Variants in FLVCR2 observed in about 807,000 individuals in gnomAD.
FLVCR2 encodes choline/ethanolamine transporter FLVCR2.
FLVCR2 carries 38 observed loss-of-function variants against 48.9 expected under a neutral mutation model. The ratio of observed to expected loss-of-function variants is 0.78; its 90% CI spans 0.60 to 1.02. FLVCR2 has a LOEUF of 1.02. Among genes scored for constraint, FLVCR2 ranks in the 50% least tolerant of loss-of-function variants. The pLI is 0.00. For missense variants in FLVCR2, 664 were observed against 663.3 expected (o/e 1.00, Z -0.01); for synonymous variants, 255 against 257.0 (o/e 0.99, Z 0.07).
chr14:75,646,103 G>T (rs1890415322), intron 9 of FLVCR2, among the ~76,000 whole-genome samples: 1 of 152,086 alleles, frequency 6.6e-6, no homozygotes, highest in African/African-American at 2.4e-5. Context: ...AGTCCCGAGA[G>T]TGAGCCTGAA....
At chr14:75,584,515 G>A (rs1311130577) in intron 1 of FLVCR2, among the ~76,000 whole-genome samples, 1 of 152,170 alleles carries the variant, frequency 6.6e-6, no homozygotes, top group Non-Finnish European at 1.5e-5. Context: ...TCTTTACCTC[G>A]GGTAGTTTCT....
At chr14:75,646,309 C>G in intron 9 of FLVCR2, 92 bp from the exon 10 acceptor site, 1 of 851,106 alleles carries the variant, frequency 1.2e-6, no homozygotes, top group Non-Finnish European at 2.0e-6. Flanking sequence ...TCTTGTATTC[C>G]CCACTGATTA....
intron 4 of FLVCR2, among the ~76,000 whole-genome samples, chr14:75,633,982 C>T (rs2140048195): frequency 6.7e-6 from 1 of 150,204 alleles, no homozygotes; most frequent in East Asian, 2.0e-4. Context: ...TTGCAAGGTT[C>T]TTTTTAGGAT....
Position 75,579,432 on chromosome 14 carries a change from G to T in FLVCR2, c.460G>T (p.Ala154Ser). 8.1e-6 allele frequency: 13 copies of T among 1,613,918 alleles called. No homozygotes were observed. The highest frequency in any genetic ancestry group is 1.1e-5 in the Non-Finnish European group (13 of 1,180,022). The change falls in exon 1 of 10, where the codon GCT becomes TCT. Residue 154 changes from alanine to serine, a missense_variant. Ala to Ser is a moderately conservative substitution (Grantham distance 99). Transcript: ENST00000238667. ...LLEKFGLRTIALTGSALNCLG... is the reference protein window; with the variant it reads ...LLEKFGLRTISLTGSALNCLG... The stretch of plus-strand genomic sequence containing the variant: ...GGAGAAGTTCGGCCTGCGCACCATT[G>T]CTCTCACTGGCTCGGCTCTCAACTG...
chr14:75,643,034 G>A (rs1890338528), intron 9 of FLVCR2, among the ~76,000 whole-genome samples: 1 of 152,134 alleles, frequency 6.6e-6, no homozygotes, highest in South Asian at 2.1e-4. Flanking sequence ...GCTAATGTTT[G>A]TATTTTTAGT....
intron 5 of FLVCR2, 76 bp downstream of exon 5, chr14:75,635,089 C>G (rs1349018621): frequency 1.0e-6 from 1 of 971,096 alleles, no homozygotes; most frequent in Admixed American, 1.9e-5. Context: ...CAGTGTGACT[C>G]CAAGTCATTG....
At chr14:75,615,274 C>A (rs1889579167) in intron 1 of FLVCR2, among the ~76,000 whole-genome samples, 1 of 152,126 alleles carries the variant, frequency 6.6e-6, no homozygotes, top group South Asian at 2.1e-4. Context: ...TTGGGAGGAT[C>A]TGAGACGAAG....
intron 1 of FLVCR2, among the ~76,000 whole-genome samples, chr14:75,621,647 T>C (rs563209698): frequency 5.9e-5 from 9 of 152,328 alleles, no homozygotes; most frequent in African/African-American, 1.9e-4. Context: ...TGCAAGTTCT[T>C]GGGCTTGCAG....
chr14:75,580,277 C>T (rs750642514), intron 1 of FLVCR2, among the ~76,000 whole-genome samples: 37 of 152,154 alleles, frequency 2.4e-4, no homozygotes, highest in Non-Finnish European at 7.3e-5. Context: ...CTCTTTCTTT[C>T]TTATTGGAAG....
In FLVCR2 at chr14:75,631,935, G is replaced by A. The variant is rs568841167; in HGVS notation, c.953-1694G>A. Reference sequence around the variant, plus strand: ...CAGTTGTAGTGATGTTTGGGGACATGTCTGGGTTGGTTGGCCCACTGTGGC... The same window carrying A: ...CAGTTGTAGTGATGTTTGGGGACATATCTGGGTTGGTTGGCCCACTGTGGC... On this transcript the variant is annotated intron_variant, in intron 3 of 9. Coordinates refer to ENST00000238667, the MANE Select transcript of FLVCR2 (RefSeq NM_017791.3). 2.1e-5 allele frequency: 9 copies of A among 435,904 alleles called. No homozygotes were observed. The Admixed American group carries it at 2.2e-4, about 10-fold the overall frequency. The allele number at this position is 435,904 out of a possible 1,614,324, so 27.0% of individuals were successfully genotyped here. A position where few individuals can be genotyped will look rare whatever the true frequency, so the allele number is the denominator to read the frequency against.
intron 1 of FLVCR2, among the ~76,000 whole-genome samples, chr14:75,599,248 C>T (rs1889101694): frequency 6.6e-6 from 1 of 152,034 alleles, no homozygotes; most frequent in African/African-American, 2.4e-5. Context: ...CAGTTCTCTG[C>T]AAACTGAATA....
chr14:75,646,881 C>G lies in FLVCR2; in HGVS notation c.*409C>G, dbSNP rs1890433479. 3.3e-6 allele frequency: 1 copy of G among 303,458 alleles called. No homozygotes were observed. Among genetic ancestry groups the G allele is most frequent in the Non-Finnish European group, 6.5e-6 (1 of 153,822 alleles). The allele number at this position is 303,458 out of a possible 1,614,324, so 18.8% of individuals were successfully genotyped here. On this transcript the variant is annotated 3_prime_UTR_variant, in exon 10 of 10. Transcript: ENST00000238667. ...TTGAAATTTCCAGTGTCCTAAGAGC[C>G]TCTCATGAAGCCCAGTTCTAATAAG...
At chr14:75,635,417 T>C (rs1027673384) in intron 5 of FLVCR2, among the ~76,000 whole-genome samples, 1 of 152,206 alleles carries the variant, frequency 6.6e-6, no homozygotes, top group African/African-American at 2.4e-5. Context: ...TCATGGCACC[T>C]TGTGGACCCC....
At chr14:75,623,641 A>AGTGT (rs1889816962) in intron 2 of FLVCR2, among the ~76,000 whole-genome samples, 1 of 151,480 alleles carries the variant, frequency 6.6e-6, no homozygotes, top group Non-Finnish European at 1.5e-5. Context: ...ATGTGTTGCT[A>AGTGT]GTGTGTTTTT....
chr14:75,584,608 C>G (rs776748666), intron 1 of FLVCR2, among the ~76,000 whole-genome samples: 4 of 152,194 alleles, frequency 2.6e-5, no homozygotes, highest in Non-Finnish European at 4.4e-5. Context: ...TCTCACCTAT[C>G]TATACCTGGG....
chr14:75,605,368 C>T (rs1223811701), intron 1 of FLVCR2: 26 of 1,139,214 alleles, frequency 2.3e-5, no homozygotes, highest in Admixed American at 3.0e-5. Context: ...GAATATCTCC[C>T]CTCCCTTGAT....
intron 8 of FLVCR2, 70 bp from the exon 9 acceptor site, chr14:75,641,773 G>A: frequency 7.2e-7 from 1 of 1,384,076 alleles, no homozygotes; most frequent in Admixed American, 1.7e-5. Context: ...AGGAAATGAA[G>A]GTTTCTTCTC....
intron 5 of FLVCR2, among the ~76,000 whole-genome samples, chr14:75,638,361 C>T (rs555922733): frequency 4.6e-5 from 7 of 151,984 alleles, no homozygotes; most frequent in Admixed American, 2.0e-4. Flanking sequence ...CGCTTGAACC[C>T]GGGAGGCAGA....
chr14:75,603,395 G>A (rs1357620552), intron 1 of FLVCR2, among the ~76,000 whole-genome samples: 3 of 152,182 alleles, frequency 2.0e-5, no homozygotes. Context: ...GCTGGACAGC[G>A]GGACTTCAGA....
Sources: allele counts gnomAD v4.1 joint callset (sites outside exome capture counted in the v4.1 genomes callset), GRCh38; gene constraint gnomAD v4.1.1; transcripts MANE v1.5; gene names NCBI Gene and HGNC (gene_info 2026-07-23, HGNC 2026-07-21).